SLC6A9: variants seen among roughly 807,000 people sequenced by gnomAD.
The protein encoded by SLC6A9 is sodium- and chloride-dependent glycine transporter 1.
In SLC6A9, 31 loss-of-function variants were observed where a neutral mutation model predicts 70.9. The ratio of observed to expected loss-of-function variants is 0.44; its 90% CI spans 0.33 to 0.59. SLC6A9 has a LOEUF of 0.59. SLC6A9 is among the 20% of genes least tolerant of loss of function. SLC6A9 has a pLI of 0.04. For synonymous variants in SLC6A9, 310 were observed against 341.3 expected, an observed-to-expected ratio of 0.91 and a Z score of 1.01; for missense variants, 631 against 845.2, an observed-to-expected ratio of 0.75 and a Z score of 3.14.
chr1:44,026,127 G>A (rs544808223), intron 1 of SLC6A9, among the ~76,000 whole-genome samples: 1 of 152,342 alleles, frequency 6.6e-6, no homozygotes, highest in East Asian at 1.9e-4. Flanking sequence ...GACCCAGGCT[G>A]GCCTGTGGCT....
At chr1:44,019,435 G>A (rs1326126961) in intron 2 of SLC6A9, among the ~76,000 whole-genome samples, 1 of 152,212 alleles carries the variant, frequency 6.6e-6, no homozygotes, top group African/African-American at 2.4e-5. Flanking sequence ...AGCCTCATGC[G>A]CCTGGTCCCC....
At chr1:44,030,167 C>G (rs894536493) in intron 1 of SLC6A9, among the ~76,000 whole-genome samples, 2 of 152,108 alleles carry the variant, frequency 1.3e-5, no homozygotes, top group African/African-American at 4.8e-5. Flanking sequence ...CGCGGTCGGT[C>G]TGGGAGCAGC....
chr1:44,004,163 T>C lies in SLC6A9; in HGVS notation c.591-1178A>G, dbSNP rs1022935294. On this transcript the variant is annotated intron_variant, in intron 5 of 13. Coordinates refer to ENST00000372310, the MANE Select transcript of SLC6A9 (RefSeq NM_001024845.3). Reference sequence around the variant, plus strand: ...GTATGCACCAATACGCTGGGCTAATTTTTGTATTTTTAGGAGAGATGGGGA... The same window carrying C: ...GTATGCACCAATACGCTGGGCTAATCTTTGTATTTTTAGGAGAGATGGGGA... Among the ~76,000 whole-genome samples, 3 of 150,660 alleles carry C rather than the reference T, an allele frequency of 2.0e-5. No homozygotes were observed. The East Asian group carries it at 5.9e-4, about 30-fold the overall frequency.
intron 4 of SLC6A9, 48 bp downstream of exon 4, chr1:44,009,917 C>A (rs200514184): frequency 6.3e-7 from 1 of 1,597,792 alleles, no homozygotes; most frequent in Non-Finnish European, 8.5e-7. Flanking sequence ...CCTCAGAGGC[C>A]GTTGTGTGTT....
chr1:44,010,639 G>A (rs952230265), intron 3 of SLC6A9, 87 bp downstream of exon 3: 3 of 1,319,550 alleles, frequency 2.3e-6, no homozygotes, highest in Admixed American at 1.9e-5. Context: ...TATCTGGAGT[G>A]GGTCTGTGCC....
At chr1:44,015,792 C>T in intron 2 of SLC6A9, 2 of 921,186 alleles carry the variant, frequency 2.2e-6, no homozygotes, top group Non-Finnish European at 1.3e-6. Flanking sequence ...AGCTGCAGCT[C>T]TGATCTCTGG....
At position 44,002,608 on chromosome 1, in the gene SLC6A9, C is replaced by G. The variant is rs1270315807; in HGVS notation, c.762G>C (p.Leu254=). 9.3e-6 allele frequency: 15 copies of G among 1,614,030 alleles called. No homozygotes were observed. The highest frequency in any genetic ancestry group is 8.9e-5 in the East Asian group (4 of 44,900). The change falls in exon 7 of 14, where the codon CTG becomes CTC. Residue 254 remains leucine (L), a synonymous_variant. Coordinates refer to ENST00000372310, the MANE Select transcript of SLC6A9 (RefSeq NM_001024845.3). This position sits in a 1 kb window ranked among gnomAD's most constrained non-coding sequence, Gnocchi z 5.5. ...TCACTCCGCGGACAAACAGAATGGT[C>G]AGCACCACGTAGGGGAACGTGGCCG... ...YFTATFPYVV[L]TILFVRGVTL...
chr1:44,023,623 A>T (rs1307973773), intron 2 of SLC6A9, among the ~76,000 whole-genome samples: 1 of 152,094 alleles, frequency 6.6e-6, no homozygotes, highest in African/African-American at 2.4e-5. Context: ...TAGCCTGGGC[A>T]ACAGAGTGAG....
chr1:44,024,530 C>G (rs544519043), intron 1 of SLC6A9, among the ~76,000 whole-genome samples, 168 bp from the exon 2 acceptor site: 1 of 152,244 alleles, frequency 6.6e-6, no homozygotes, highest in Non-Finnish European at 1.5e-5. Context: ...CCTTCCCAGT[C>G]CCCCCAACCT....
At chr1:44,023,414 G>A (rs553158848) in intron 2 of SLC6A9, among the ~76,000 whole-genome samples, 11 of 152,202 alleles carry the variant, frequency 7.2e-5, no homozygotes, top group East Asian at 1.9e-4. Context: ...AGGCCGAGGC[G>A]TGTGGATCAC....
rs1553160173 is a variant in SLC6A9 at position 43,998,983 on chromosome 1, G to GGC, written c.1537-959_1537-958insGC. ...CCACCCAGAGGGCCTGGCGGGGGAA[G>GGC]GGGGGGGGCAGTCCCAGCACCCTCC... On this transcript the variant is annotated intron_variant, in intron 12 of 13. Coordinates refer to ENST00000372310, the MANE Select transcript of SLC6A9 (RefSeq NM_001024845.3). 3.9e-3 allele frequency among the ~76,000 whole-genome samples: 36 copies of GGC among 9,180 alleles called. 1 individual carries two copies. Among genetic ancestry groups the GGC allele is most frequent in the South Asian group, 0.011 (3 of 282 alleles). The allele number at this position is 9,180 out of a possible 152,430, so 6.0% of individuals were successfully genotyped here.
chr1:44,028,795 GAAA>G (rs2087033076), intron 1 of SLC6A9, among the ~76,000 whole-genome samples: 1 of 144,130 alleles, frequency 6.9e-6, no homozygotes, highest in African/African-American at 2.9e-5. Context: ...GAGAGAGAAA[GAAA>G]GAAAGGAAGG....
At position 44,024,238 on chromosome 1, in the gene SLC6A9, C is replaced by A. The variant is rs1182836821; in HGVS notation, c.30+10G>T. 3 of 1,614,014 alleles carry A rather than the reference C, an allele frequency of 1.9e-6. No individual in the cohort carries two copies. The African/African-American group carries it at 4.0e-5, about 22-fold the overall frequency. ...CCCGTTCCTTCCCGCAGTCTGGCCT[C>A]TGTACTCACCAGCATCCCTTTGGCA... On this transcript the variant is annotated intron_variant, in intron 2 of 13. Coordinates refer to ENST00000372310, the MANE Select transcript of SLC6A9 (RefSeq NM_001024845.3).
intron 5 of SLC6A9, among the ~76,000 whole-genome samples, chr1:44,006,512 G>T (rs368372567): frequency 6.6e-6 from 1 of 150,644 alleles, no homozygotes. Flanking sequence ...CGCTTACCCC[G>T]GGAGGCAGAG....
chr1:44,009,512 C>A (rs972848691), intron 4 of SLC6A9, among the ~76,000 whole-genome samples: 1 of 151,762 alleles, frequency 6.6e-6, no homozygotes, highest in South Asian at 2.1e-4. Flanking sequence ...GGTAAGCCAC[C>A]GCGCCCGGCC....
intron 2 of SLC6A9, among the ~76,000 whole-genome samples, chr1:44,012,282 G>A (rs894211732): frequency 2.0e-5 from 3 of 152,380 alleles, no homozygotes. Context: ...TGGGCCCCAA[G>A]CGCCTTGGAT....
At chr1:44,022,726 T>C (rs868672402) in intron 2 of SLC6A9, among the ~76,000 whole-genome samples, 4 of 144,150 alleles carry the variant, frequency 2.8e-5, no homozygotes, top group Non-Finnish European at 6.1e-5. Context: ...TTCTTTCTTT[T>C]TTTTTTTTTT....
intron 5 of SLC6A9, among the ~76,000 whole-genome samples, chr1:44,003,467 T>C (rs1403578918): frequency 6.6e-6 from 1 of 152,166 alleles, no homozygotes; most frequent in African/African-American, 2.4e-5. Context: ...CAGTAAAGAT[T>C]GGACCCTGGC....
At chr1:44,017,232 A>C in intron 2 of SLC6A9, 2 of 1,519,800 alleles carry the variant, frequency 1.3e-6, no homozygotes, top group South Asian at 2.5e-5. Context: ...TCTCCTCCCG[A>C]AGCTCTGCCT....
Sources: allele counts gnomAD v4.1 joint callset (sites outside exome capture counted in the v4.1 genomes callset), GRCh38; gene constraint gnomAD v4.1.1; non-coding constraint Gnocchi (gnomAD v3.1); transcripts MANE v1.5; gene names NCBI Gene and HGNC (gene_info 2026-07-23, HGNC 2026-07-21).